NXPH1: variants seen among roughly 807,000 people sequenced by gnomAD.
NXPH1 encodes neurexophilin 1.
A neutral mutation model predicts 23.7 loss-of-function variants in NXPH1; 5 were observed. The observed-to-expected ratio is 0.21, with a 90% CI of 0.11 to 0.44. The LOEUF (loss-of-function observed/expected upper bound fraction) is 0.44. Ranked by LOEUF, NXPH1 falls within the 20% of genes least tolerant of loss-of-function variation. The pLI, the probability that NXPH1 is intolerant of heterozygous loss-of-function variation, is 0.99. For synonymous variants in NXPH1, 144 were observed against 122.2 expected (o/e 1.18, Z -1.18); for missense variants, 324 against 321.6 (o/e 1.01, Z -0.06).
At chr7:8,596,380 A>T (rs1422696165) in intron 2 of NXPH1, among the ~76,000 whole-genome samples, 1 of 152,140 alleles carries the variant, frequency 6.6e-6, no homozygotes, top group African/African-American at 2.4e-5. Flanking sequence ...GTTAATGAAG[A>T]CATTTAGTTA....
intron 2 of NXPH1, among the ~76,000 whole-genome samples, chr7:8,500,890 T>A (rs1817420128): frequency 6.6e-6 from 1 of 152,102 alleles, no homozygotes; most frequent in Non-Finnish European, 1.5e-5. Flanking sequence ...TAGGGGTCCC[T>A]TAGCTTGTGG....
chr7:8,586,774 T>G (rs1818989374), intron 2 of NXPH1, among the ~76,000 whole-genome samples: 1 of 152,108 alleles, frequency 6.6e-6, no homozygotes, highest in East Asian at 1.9e-4. Flanking sequence ...AAGATTTTTC[T>G]TTGTGTTGGT....
chr7:8,533,882 ATTCT>A (rs1189846443), intron 2 of NXPH1, among the ~76,000 whole-genome samples: 6 of 152,088 alleles, frequency 3.9e-5, no homozygotes, highest in Non-Finnish European at 8.8e-5. Context: ...ATATTTTGAA[ATTCT>A]TTCTGTGAGC....
At chr7:8,601,483 C>T (rs1819358673) in intron 2 of NXPH1, among the ~76,000 whole-genome samples, 2 of 152,214 alleles carry the variant, frequency 1.3e-5, no homozygotes, top group Admixed American at 1.3e-4. Flanking sequence ...ACCTGTTCTT[C>T]AGGATGAAAA....
chr7:8,710,967 G>C (rs1361855834), intron 2 of NXPH1, among the ~76,000 whole-genome samples: 1 of 152,094 alleles, frequency 6.6e-6, no homozygotes, highest in African/African-American at 2.4e-5. Context: ...CGGCCGTTAC[G>C]GTTTTATGAT....
At chr7:8,655,483 T>C (rs1427163865) in intron 2 of NXPH1, among the ~76,000 whole-genome samples, 1 of 74,654 alleles carries the variant, frequency 1.3e-5, no homozygotes. Flanking sequence ...CACACACACA[T>C]CAGATATGTC....
At chr7:8,615,381 A>G (rs1819712994) in intron 2 of NXPH1, among the ~76,000 whole-genome samples, 1 of 151,942 alleles carries the variant, frequency 6.6e-6, no homozygotes, top group Non-Finnish European at 1.5e-5. Flanking sequence ...AATGATACAA[A>G]CCTCTTAAGG....
intron 2 of NXPH1, among the ~76,000 whole-genome samples, chr7:8,557,991 C>G (rs957254683): frequency 2.0e-5 from 3 of 151,676 alleles, no homozygotes; most frequent in Non-Finnish European, 4.4e-5. Context: ...TCTGCCCGCA[C>G]AGTCCTATCA....
At chr7:8,612,597 C>A (rs575003829) in intron 2 of NXPH1, among the ~76,000 whole-genome samples, 4 of 151,944 alleles carry the variant, frequency 2.6e-5, no homozygotes, top group Admixed American at 2.6e-4. Flanking sequence ...TCTAACATTG[C>A]CTTTTGCTTC....
intron 2 of NXPH1, among the ~76,000 whole-genome samples, chr7:8,525,587 T>G (rs1272289242): frequency 6.6e-6 from 1 of 151,808 alleles, no homozygotes; most frequent in Non-Finnish European, 1.5e-5. Context: ...GAGGAAAAAG[T>G]GGTTTCATGG....
At chr7:8,488,421 CTA>C (rs1334579250) in intron 2 of NXPH1, among the ~76,000 whole-genome samples, 3 of 152,144 alleles carry the variant, frequency 2.0e-5, no homozygotes, top group Non-Finnish European at 1.5e-5. Context: ...TTTAATAACT[CTA>C]GAGATTAAAT....
chr7:8,736,016 C>A (rs1780248415), intron 2 of NXPH1, among the ~76,000 whole-genome samples: 1 of 151,882 alleles, frequency 6.6e-6, no homozygotes, highest in Admixed American at 6.6e-5. Context: ...CTATTCGATT[C>A]TTCTCTTTTA....
At chr7:8,560,704 C>G (rs1818429215) in intron 2 of NXPH1, among the ~76,000 whole-genome samples, 1 of 151,656 alleles carries the variant, frequency 6.6e-6, no homozygotes, top group African/African-American at 2.4e-5. Context: ...TTTTCTCAAC[C>G]TTTTGTGTGT....
chr7:8,732,686 A>T (rs1780178954), intron 2 of NXPH1, among the ~76,000 whole-genome samples: 3 of 152,254 alleles, frequency 2.0e-5, no homozygotes, highest in South Asian at 4.1e-4. Context: ...GGGTCCTTAG[A>T]TGAGATACGC....
chr7:8,722,146 A>G (rs927484495), intron 2 of NXPH1, among the ~76,000 whole-genome samples: 10 of 149,144 alleles, frequency 6.7e-5, no homozygotes, highest in African/African-American at 2.3e-4. Context: ...GAAGTATGCG[A>G]AAAAAAAAGA....
At chr7:8,617,255 C>T (rs966279651) in intron 2 of NXPH1, among the ~76,000 whole-genome samples, 4 of 151,954 alleles carry the variant, frequency 2.6e-5, no homozygotes, top group African/African-American at 7.3e-5. Flanking sequence ...TCATGAGGTA[C>T]AAACTCAGAA....
Position 8,720,890 on chromosome 7 carries a change from A to G in NXPH1, c.55-30118A>G, listed in dbSNP as rs543633878. The stretch of plus-strand genomic sequence containing the variant: ...ATCAGTACAACCCAAACTGAGGGAC[A>G]TTTTACCGATTAATAGCCTATGCTG... On this transcript the variant is annotated intron_variant, in intron 2 of 2. Transcript: ENST00000405863. Among the ~76,000 whole-genome samples, 5 of 152,336 alleles carry G rather than the reference A, an allele frequency of 3.3e-5. No homozygotes were observed. In the South Asian group the frequency reaches 8.3e-4, roughly 25 times the overall value.
chr7:8,502,580 T>C (rs1269362670), intron 2 of NXPH1, among the ~76,000 whole-genome samples: 1 of 151,360 alleles, frequency 6.6e-6, no homozygotes, highest in Non-Finnish European at 1.5e-5. Context: ...GGGATTGGAG[T>C]AATGAGGGAT....
At chr7:8,570,691 G>A (rs1192340388) in intron 2 of NXPH1, among the ~76,000 whole-genome samples, 5 of 151,858 alleles carry the variant, frequency 3.3e-5, no homozygotes, top group Non-Finnish European at 7.4e-5. Flanking sequence ...CTTAGACAAA[G>A]GACCTGGAAT....
Sources: gnomAD v4.1 joint callset for allele counts (sites outside exome capture counted in the v4.1 genomes callset) on GRCh38, gnomAD v4.1.1 for gene constraint, MANE v1.5 for transcripts, NCBI Gene and HGNC (gene_info 2026-07-23, HGNC 2026-07-21) for gene names.